The following NAPB variants were observed in gnomAD, a reference collection of about 807,000 sequenced individuals.
NAPB encodes the protein beta-soluble NSF attachment protein.
NAPB carries 26 observed loss-of-function variants against 44.7 expected under a neutral mutation model. The observed-to-expected ratio is 0.58, with a 90% CI of 0.43 to 0.81. NAPB has a LOEUF of 0.81. NAPB is among the 30% of genes least tolerant of loss of function. The probability of loss-of-function intolerance (pLI) is 0.00; values close to 1 mark genes in which losing one functional copy is unlikely to be tolerated. For synonymous variants in NAPB, 120 were observed against 116.8 expected (o/e 1.03, Z -0.18); for missense variants, 315 against 356.4 (o/e 0.88, Z 0.94).
chr20:23,409,493 T>C (rs1310989569), intron 1 of NAPB, among the ~76,000 whole-genome samples: 1 of 152,212 alleles, frequency 6.6e-6, no homozygotes, highest in Non-Finnish European at 1.5e-5. Context: ...TGGACCTATT[T>C]ATAAAACAAA....
chr20:23,418,598 A>C (rs915980630), intron 1 of NAPB, among the ~76,000 whole-genome samples: 1 of 152,200 alleles, frequency 6.6e-6, no homozygotes, highest in East Asian at 1.9e-4. Flanking sequence ...TCACACTTGC[A>C]TGGTACATTA....
chr20:23,385,011 C>T (rs146183429), intron 7 of NAPB, among the ~76,000 whole-genome samples: 1,728 of 152,032 alleles, frequency 0.011, 29 homozygotes, highest in African/African-American at 0.04. Context: ...CTCAGCTACT[C>T]GGGAGGCTGA....
At chr20:23,417,542 T>A (rs983767100) in intron 1 of NAPB, among the ~76,000 whole-genome samples, 2 of 152,186 alleles carry the variant, frequency 1.3e-5, no homozygotes, top group Non-Finnish European at 2.9e-5. Context: ...ATCATACCAG[T>A]AGTTCATTAA....
chr20:23,384,343 C>G (rs1253041149), intron 7 of NAPB, among the ~76,000 whole-genome samples: 1 of 152,142 alleles, frequency 6.6e-6, no homozygotes, highest in Non-Finnish European at 1.5e-5. Context: ...GGGCAGATGA[C>G]TTGAGCTCAG....
Position 23,416,884 on chromosome 20 carries a change from A to G in NAPB, c.98+4421T>C, listed in dbSNP as rs1264980750. ...GAATACTGATAATTTACAGTCTACA[A>G]TGCTTAAGAAATATTCACAATTTTC... On this transcript the variant is annotated intron_variant, in intron 1 of 10. Transcript: ENST00000377026. Among the ~76,000 whole-genome samples, 3 of 152,346 alleles carry G rather than the reference A, an allele frequency of 2.0e-5. No individual in the cohort carries two copies. In the East Asian group the frequency reaches 5.8e-4, roughly 29 times the overall value.
At chr20:23,378,216 T>TAC (rs750529695) in intron 10 of NAPB, among the ~76,000 whole-genome samples, 29 of 150,764 alleles carry the variant, frequency 1.9e-4, no homozygotes, top group Non-Finnish European at 4.1e-4. Context: ...CCCAGGTACT[T>TAC]AGGAGTCTCA....
At chr20:23,396,260 T>TGC (rs1281825490) in intron 3 of NAPB, among the ~76,000 whole-genome samples, 1 of 152,234 alleles carries the variant, frequency 6.6e-6, no homozygotes, top group Non-Finnish European at 1.5e-5. Context: ...AAAGTACTGA[T>TGC]GCATTACAAT....
intron 10 of NAPB, among the ~76,000 whole-genome samples, 162 bp from the exon 11 acceptor site, chr20:23,377,648 T>C (rs1369825474): frequency 1.3e-5 from 2 of 152,212 alleles, no homozygotes; most frequent in Admixed American, 6.5e-5. Context: ...CATTAAAAAA[T>C]TGTTTATTTT....
intron 1 of NAPB, among the ~76,000 whole-genome samples, chr20:23,417,338 C>A (rs1986079438): frequency 6.6e-6 from 1 of 152,220 alleles, no homozygotes; most frequent in Non-Finnish European, 1.5e-5. Flanking sequence ...CCCGCCTCGG[C>A]CTCCCAGAGT....
chr20:23,384,162 C>T (rs972390152), intron 7 of NAPB, among the ~76,000 whole-genome samples: 1 of 152,200 alleles, frequency 6.6e-6, no homozygotes, highest in African/African-American at 2.4e-5. Context: ...GTGAGTTCCA[C>T]AGGGCCGACT....
chr20:23,381,358 T>A, intron 7 of NAPB, 41 bp from the exon 8 acceptor site: 1 of 1,311,520 alleles, frequency 7.6e-7, no homozygotes, highest in Non-Finnish European at 1.0e-6. Flanking sequence ...AGATTTACCC[T>A]CTTATATCAG....
At chr20:23,382,992 T>C (rs904905113) in intron 7 of NAPB, among the ~76,000 whole-genome samples, 3 of 151,862 alleles carry the variant, frequency 2.0e-5, no homozygotes, top group African/African-American at 7.3e-5. Flanking sequence ...TTGTCTGTAC[T>C]AAAAATACAA....
chr20:23,397,794 T>C (rs1455037572), intron 2 of NAPB, among the ~76,000 whole-genome samples: 1 of 152,224 alleles, frequency 6.6e-6, no homozygotes, highest in Non-Finnish European at 1.5e-5. Context: ...TTTTACCCCA[T>C]TTAGTGTGAG....
intron 5 of NAPB, among the ~76,000 whole-genome samples, chr20:23,391,266 G>A (rs758156526): frequency 2.0e-5 from 3 of 152,118 alleles, no homozygotes; most frequent in Non-Finnish European, 4.4e-5. Flanking sequence ...AGCTGAGATC[G>A]CGCCATTGCA....
intron 1 of NAPB, among the ~76,000 whole-genome samples, chr20:23,419,182 A>C (rs1185915885): frequency 6.6e-6 from 1 of 152,190 alleles, no homozygotes; most frequent in African/African-American, 2.4e-5. Flanking sequence ...TATACACTGG[A>C]AACTGAAGCA....
chr20:23,410,824 A>T (rs1192688692), intron 1 of NAPB, among the ~76,000 whole-genome samples: 2 of 152,236 alleles, frequency 1.3e-5, no homozygotes, highest in Non-Finnish European at 2.9e-5. Context: ...TATGACTGAA[A>T]TATTATTAAA....
intron 1 of NAPB, among the ~76,000 whole-genome samples, chr20:23,420,345 A>G (rs918830003): frequency 6.6e-6 from 1 of 152,182 alleles, no homozygotes; most frequent in Non-Finnish European, 1.5e-5. Context: ...CTATCAATCA[A>G]TCTCCGGAGA....
At chr20:23,380,455 G>A (rs753603532) in intron 8 of NAPB, among the ~76,000 whole-genome samples, 27 of 151,814 alleles carry the variant, frequency 1.8e-4, no homozygotes, top group Admixed American at 4.6e-4. Context: ...GAGCTTGCCT[G>A]TTGTTTTGGT....
chr20:23,411,490 G>C (rs191745710), intron 1 of NAPB, among the ~76,000 whole-genome samples: 1 of 152,194 alleles, frequency 6.6e-6, no homozygotes, highest in African/African-American at 2.4e-5. Context: ...AGGACCCAAG[G>C]GATAACTAAG....
Sources: allele counts gnomAD v4.1 joint callset (sites outside exome capture counted in the v4.1 genomes callset), GRCh38; gene constraint gnomAD v4.1.1; transcripts MANE v1.5; gene names NCBI Gene and HGNC (gene_info 2026-07-23, HGNC 2026-07-21).